CCDC178: variants seen among roughly 807,000 people sequenced by gnomAD.
The protein encoded by CCDC178 is coiled-coil domain-containing protein 178.
CCDC178 carries 126 observed loss-of-function variants against 117.4 expected under a neutral mutation model. That is an observed-to-expected ratio of 1.07 (90% CI 0.93 to 1.24). CCDC178 has a LOEUF of 1.24. Ranked by LOEUF, CCDC178 falls within the 50% of genes most tolerant of loss-of-function variation. CCDC178 has a pLI of 0.00. For synonymous variants in CCDC178, 283 were observed against 313.4 expected (o/e 0.90, Z 1.02); for missense variants, 1,030 against 986.9 (o/e 1.04, Z -0.59).
chr18:33,300,434 T>C (rs180811415), intron 11 of CCDC178, among the ~76,000 whole-genome samples: 37 of 152,276 alleles, frequency 2.4e-4, no homozygotes, highest in African/African-American at 7.9e-4. Flanking sequence ...AACTCAGTAA[T>C]AGGCAGAGAT....
chr18:33,179,748 C>T (rs1598968671), intron 20 of CCDC178, among the ~76,000 whole-genome samples: 6 of 151,914 alleles, frequency 3.9e-5, no homozygotes, highest in Admixed American at 3.9e-4. Context: ...TATCATTCAC[C>T]TCTGATGAGC....
chr18:33,161,083 C>A (rs1466632966), intron 20 of CCDC178, among the ~76,000 whole-genome samples: 1 of 151,870 alleles, frequency 6.6e-6, no homozygotes, highest in African/African-American at 2.4e-5. Flanking sequence ...TAGCCTTGTA[C>A]ATATGATTTA....
rs1385249526 is a variant in CCDC178, at chr18:33,270,087, G to A, written c.1177-2790C>T. 1.7e-4 allele frequency among the ~76,000 whole-genome samples: 25 copies of A among 151,216 alleles called. No individual in the cohort carries two copies. In the Admixed American group the frequency reaches 1.7e-3, roughly 10 times the overall value. ...TTGACAGTTGAAAAGTACAATAACT[G>A]AACTAAAAAATTTTTGCTATCTGCA... On this transcript the variant is annotated intron_variant, in intron 12 of 22. Coordinates refer to ENST00000383096, the MANE Select transcript of CCDC178 (RefSeq NM_001105528.4).
At chr18:33,095,807 CT>C (rs1567985605) in intron 20 of CCDC178, among the ~76,000 whole-genome samples, 1 of 151,676 alleles carries the variant, frequency 6.6e-6, no homozygotes, top group African/African-American at 2.4e-5. Context: ...TGTATATATA[CT>C]CTTTTAAGTA....
At chr18:33,012,429 G>A (rs1382578643) in intron 21 of CCDC178, among the ~76,000 whole-genome samples, 1 of 152,074 alleles carries the variant, frequency 6.6e-6, no homozygotes, top group Non-Finnish European at 1.5e-5. Flanking sequence ...TTAGGATTCA[G>A]AATATTTTAC....
chr18:33,051,263 G>A (rs1336770797), intron 21 of CCDC178, among the ~76,000 whole-genome samples: 1 of 152,038 alleles, frequency 6.6e-6, no homozygotes, highest in Non-Finnish European at 1.5e-5. Flanking sequence ...CAAAGTTACA[G>A]TTAGTTAAAG....
chr18:33,076,036 A>G (rs1308973252), intron 21 of CCDC178, among the ~76,000 whole-genome samples: 4 of 152,236 alleles, frequency 2.6e-5, no homozygotes, highest in African/African-American at 9.6e-5. Context: ...TTAAGTCTGA[A>G]GTTATGTTCC....
In CCDC178 at chr18:33,427,657, A is replaced by G. The variant is rs965829337; in HGVS notation, c.-23+12305T>C. Among the ~76,000 whole-genome samples, 6 of 152,158 alleles carry G rather than the reference A, an allele frequency of 3.9e-5. No individual in the cohort carries two copies. In the East Asian group the frequency reaches 1.2e-3, roughly 29 times the overall value. ...TTGCTAAAGCCAAGCACATCTTCGG[A>G]AAGATTAAATATCATTTTTCTCATA... is the stretch of plus-strand genomic sequence containing the variant. On this transcript the variant is annotated intron_variant, in intron 2 of 22. Transcript: ENST00000383096.
intron 20 of CCDC178, among the ~76,000 whole-genome samples, chr18:33,097,620 C>T (rs574222830): frequency 6.6e-6 from 1 of 152,166 alleles, no homozygotes; most frequent in Non-Finnish European, 1.5e-5. Flanking sequence ...TACCCTTAAC[C>T]GTCCAATATA....
intron 7 of CCDC178, among the ~76,000 whole-genome samples, chr18:33,349,379 T>C (rs1300741401): frequency 1.3e-5 from 2 of 151,908 alleles, no homozygotes; most frequent in Non-Finnish European, 2.9e-5. Context: ...TCATTTCAGA[T>C]AATAAACTTT....
intron 21 of CCDC178, among the ~76,000 whole-genome samples, chr18:33,081,652 T>C (rs1417571521): frequency 6.6e-6 from 1 of 152,190 alleles, no homozygotes; most frequent in Non-Finnish European, 1.5e-5. Flanking sequence ...GTACAGTGCA[T>C]ATATCTTTCT....
At position 33,368,617 on chromosome 18, in the gene CCDC178, G is replaced by A. The variant is rs116500494; in HGVS notation, c.348+1433C>T. Among the ~76,000 whole-genome samples the A allele has an allele frequency of 5.7e-3, 873 of 151,888 alleles. 9 individuals are homozygous for A. Among genetic ancestry groups the A allele is most frequent in the African/African-American group, 0.02 (831 of 41,470 alleles). On this transcript the variant is annotated intron_variant, in intron 6 of 22. Coordinates refer to ENST00000383096, the MANE Select transcript of CCDC178 (RefSeq NM_001105528.4). The stretch of plus-strand genomic sequence containing the variant: ...TATCAACTGTTCAGAGCACCAAGTC[G>A]GATTCAGGAAAGAATATGGGCTTTG...
intron 20 of CCDC178, among the ~76,000 whole-genome samples, chr18:33,127,126 A>C (rs1042890840): frequency 4.6e-5 from 7 of 151,602 alleles, no homozygotes; most frequent in African/African-American, 1.7e-4. Context: ...TGTATACTAA[A>C]GTTTTTATTT....
intron 11 of CCDC178, among the ~76,000 whole-genome samples, chr18:33,299,571 G>A (rs1158963127): frequency 6.7e-6 from 1 of 150,308 alleles, no homozygotes; most frequent in Non-Finnish European, 1.5e-5. Flanking sequence ...CCTGGGAAAA[G>A]TTTTATGAAT....
intron 4 of CCDC178, among the ~76,000 whole-genome samples, chr18:33,390,997 G>A (rs1218834398): frequency 1.3e-5 from 2 of 151,174 alleles, no homozygotes; most frequent in African/African-American, 4.8e-5. Context: ...GCAAAAGTAA[G>A]TTTATAGCAA....
In CCDC178 at chr18:33,243,997, A is replaced by C. The variant is rs9950096; in HGVS notation, c.1593+1248T>G. On this transcript the variant is annotated intron_variant, in intron 15 of 22. Coordinates refer to ENST00000383096, the MANE Select transcript of CCDC178 (RefSeq NM_001105528.4). ...TATGCCTTGTATTTTAATTTATTCT[A>C]TGCATGCTTACTTTGCTTACTCACT... is the stretch of plus-strand genomic sequence containing the variant. Among the ~76,000 whole-genome samples the C allele has an allele frequency of 7.8e-3, 1,191 of 152,130 alleles. 13 individuals are homozygous for C. Among genetic ancestry groups the C allele is most frequent in the African/African-American group, 0.027 (1,111 of 41,550 alleles).
At chr18:33,209,065 C>T (rs111915188) in intron 20 of CCDC178, among the ~76,000 whole-genome samples, 3 of 152,126 alleles carry the variant, frequency 2.0e-5, no homozygotes, top group African/African-American at 4.8e-5. Flanking sequence ...ATATAACCTA[C>T]AATTTTGTAT....
At chr18:33,306,997 C>G (rs945950000) in intron 11 of CCDC178, among the ~76,000 whole-genome samples, 1 of 152,144 alleles carries the variant, frequency 6.6e-6, no homozygotes, top group Non-Finnish European at 1.5e-5. Flanking sequence ...TTCCTGAGGC[C>G]TCCCCAGCCC....
intron 21 of CCDC178, among the ~76,000 whole-genome samples, chr18:33,027,090 G>A (rs957075242): frequency 3.3e-5 from 5 of 151,746 alleles, no homozygotes; most frequent in Non-Finnish European, 7.4e-5. Flanking sequence ...TATACAAAAC[G>A]CAGAAAGAAA....
Sources: allele counts gnomAD v4.1 joint callset (sites outside exome capture counted in the v4.1 genomes callset), GRCh38; gene constraint gnomAD v4.1.1; transcripts MANE v1.5; gene names NCBI Gene and HGNC (gene_info 2026-07-23, HGNC 2026-07-21).